RRBP1: variants seen among roughly 807,000 people sequenced by gnomAD.
RRBP1 encodes ribosome-binding protein 1.
Under a neutral mutation model 165.2 loss-of-function variants are expected in RRBP1, and 94 were observed. The observed-to-expected ratio is 0.57, with a 90% CI of 0.48 to 0.68. The LOEUF is 0.68. Ranked by LOEUF, RRBP1 falls within the 30% of genes least tolerant of loss-of-function variation. RRBP1 has a pLI of 0.00. For synonymous variants in RRBP1, 680 were observed against 714.5 expected (o/e 0.95, Z 0.77); for missense variants, 1,676 against 1,763.0 (o/e 0.95, Z 0.88).
chr20:17,652,736 A>C (rs1392580372), intron 3 of RRBP1, among the ~76,000 whole-genome samples: 1 of 152,194 alleles, frequency 6.6e-6, no homozygotes, highest in Non-Finnish European at 1.5e-5. Context: ...AACGAGGCAC[A>C]AGGCAGCCAG....
chr20:17,643,046 C>A lies in RRBP1; in HGVS notation c.1994G>T (p.Gly665Val). ...STVGSMVFNEGEAQRLIEILS... is the reference protein window; with the variant it reads ...STVGSMVFNEVEAQRLIEILS... ...GATCTCGATGAGCCGCTGGGCCTCG[C>A]CCTCGTTGAACACCATGCTCCCAAC... Residue 665 changes from glycine to valine, a missense_variant, in exon 4 of 25, where the codon GGC (glycine) becomes GTC (valine). Gly to Val is a moderately radical substitution (Grantham distance 109). Transcript: ENST00000377813. This position sits in a 1 kb window ranked among gnomAD's most constrained non-coding sequence, Gnocchi z 4.3. 6.2e-7 allele frequency: 1 copy of A among 1,614,104 alleles called. No homozygotes were observed. The highest frequency in any genetic ancestry group is 8.5e-7 in the Non-Finnish European group (1 of 1,180,018).
chr20:17,638,641 G>C (rs778593002), intron 5 of RRBP1, among the ~76,000 whole-genome samples: 2 of 152,062 alleles, frequency 1.3e-5, no homozygotes, highest in Admixed American at 1.3e-4. Flanking sequence ...AGAGACCCAG[G>C]GTTCCTTCTG....
chr20:17,642,950 G>T, intron 4 of RRBP1, 29 bp downstream of exon 4: 1 of 1,609,378 alleles, frequency 6.2e-7, no homozygotes, highest in South Asian at 1.1e-5. Context: ...AGTGGCCTCT[G>T]AGCATGGCCA....
At chr20:17,675,859 G>C (rs1262015591) in intron 2 of RRBP1, among the ~76,000 whole-genome samples, 2 of 152,172 alleles carry the variant, frequency 1.3e-5, no homozygotes, top group African/African-American at 4.8e-5. Flanking sequence ...TAGAAGGCAG[G>C]GGGTATAGGC....
intron 19 of RRBP1, chr20:17,619,353 G>A (rs568885219): frequency 2.8e-5 from 10 of 362,362 alleles, no homozygotes; most frequent in African/African-American, 1.3e-4. Context: ...ATCCCCTTGC[G>A]GAGGGATAAC....
At chr20:17,657,943 C>T (rs1316256448) in intron 3 of RRBP1, among the ~76,000 whole-genome samples, 1 of 152,204 alleles carries the variant, frequency 6.6e-6, no homozygotes, top group African/African-American at 2.4e-5. Flanking sequence ...ACAAAAGCAT[C>T]AGGTGAGGCA....
chr20:17,624,531 A>C, intron 13 of RRBP1, 45 bp downstream of exon 13: 24 of 1,251,710 alleles, frequency 1.9e-5, no homozygotes, highest in Non-Finnish European at 2.6e-5. Context: ...TGTGCATCCT[A>C]GTGCACTTTC....
Position 17,620,770 on chromosome 20 carries a change from T to C in RRBP1, c.3452A>G (p.Glu1151Gly). 10 of 1,608,814 alleles carry C rather than the reference T, an allele frequency of 6.2e-6. No individual in the cohort carries two copies. Among genetic ancestry groups the C allele is most frequent in the Non-Finnish European group, 8.5e-6 (10 of 1,179,818 alleles). The change falls in exon 17 of 25, where the codon GAG becomes GGG. Residue 1151 changes from glutamate to glycine, a missense_variant. By Grantham distance (98) the Glu-to-Gly change is moderately conservative (BLOSUM62 -2). This residue lies in a region of RRBP1 where 1,184 missense variants were observed against 1,167.1 expected (regional missense o/e 1.01). Coordinates refer to ENST00000377813, the MANE Select transcript of RRBP1 (RefSeq NM_001365613.2). ...MLRDLQKSVE[E>G]EEQVWRAKVG... ...CTTGGCCCTCCACACCTGCTCCTCC[T>C]CCTCCACGCTCTTCTGCAGGTCTCT... is the stretch of plus-strand genomic sequence containing the variant.
chr20:17,650,661 AG>A (rs1176283025), intron 3 of RRBP1, among the ~76,000 whole-genome samples: 1 of 152,230 alleles, frequency 6.6e-6, no homozygotes, highest in Non-Finnish European at 1.5e-5. Flanking sequence ...TCCAGTTAAA[AG>A]TACACTGTTC....
Position 17,618,581 on chromosome 20 carries a change from A to G in RRBP1, c.3759+15T>C. The G allele has an allele frequency of 1.2e-6, 2 of 1,608,070 alleles. No homozygotes were observed. Among genetic ancestry groups the G allele is most frequent in the South Asian group, 1.1e-5 (1 of 90,958 alleles). On this transcript the variant is annotated intron_variant, in intron 20 of 24. Transcript: ENST00000377813. ...CAGGTCACACTCCTGGCATGGGGACATGGAGGCCACCTACCAGGGCAAGCT... is the reference window on the plus strand; with the variant it reads ...CAGGTCACACTCCTGGCATGGGGACGTGGAGGCCACCTACCAGGGCAAGCT...
rs772763744 is a variant in RRBP1, at chr20:17,621,939, C to T, written c.3156G>A (p.Ser1052=). 6.2e-6 allele frequency: 10 copies of T among 1,612,330 alleles called. No homozygotes were observed. The highest frequency in any genetic ancestry group is 5.0e-5 in the Admixed American group (3 of 59,974). ...CCTCAATCAGACAGAGCTGCTTCTC[C>T]GATTCCTCCTGGGGGGTGGGTGGGG... is the stretch of plus-strand genomic sequence containing the variant. ...LLSLTQAKEE[S]EKQLCLIEAQ... is the part of the protein sequence containing the mutation. Residue 1052 remains serine (S), a synonymous_variant, in exon 14 of 25, where the codon TCG becomes TCA. Coordinates refer to ENST00000377813, the MANE Select transcript of RRBP1 (RefSeq NM_001365613.2).
At chr20:17,616,972 T>TAAC (rs1206794094) in intron 20 of RRBP1, 133 bp from the exon 21 acceptor site, 2 of 778,282 alleles carry the variant, frequency 2.6e-6, no homozygotes, top group Non-Finnish European at 4.3e-6. Context: ...CCTGGCTTGG[T>TAAC]AACTGTGACC....
rs753469478 is a variant in RRBP1 at position 17,614,228 on chromosome 20, C to T, written c.4195-8G>A. 2.4e-5 allele frequency: 38 copies of T among 1,613,016 alleles called. No homozygotes were observed. Among genetic ancestry groups the T allele is most frequent in the East Asian group, 1.3e-4 (6 of 44,886 alleles). On this transcript the variant is annotated splice_region_variant and splice_polypyrimidine_tract_variant and intron_variant, in intron 24 of 24. Coordinates refer to ENST00000377813, the MANE Select transcript of RRBP1 (RefSeq NM_001365613.2). The stretch of plus-strand genomic sequence containing the variant: ...TGAGCTGCTGCCGTCCTCCTGTGAA[C>T]GAAGGCAGGTGGCGTGAGGGGGGCT...
chr20:17,636,097 T>C (rs543983537), intron 6 of RRBP1, among the ~76,000 whole-genome samples: 2 of 152,364 alleles, frequency 1.3e-5, no homozygotes, highest in East Asian at 1.9e-4. Flanking sequence ...CAGCCCACTA[T>C]GAGCAGGGTG....
chr20:17,663,046 C>G (rs1242900920), intron 2 of RRBP1, among the ~76,000 whole-genome samples: 1 of 152,140 alleles, frequency 6.6e-6, no homozygotes, highest in Non-Finnish European at 1.5e-5. Flanking sequence ...TAAAACACTC[C>G]CCTTCTCTAG....
Position 17,659,834 on chromosome 20 carries a change from G to C in RRBP1, c.674C>G (p.Thr225Ser), listed in dbSNP as rs758737856. The change falls in exon 3 of 25, where the codon ACC becomes AGC. Residue 225 changes from threonine (T) to serine (S), a missense_variant. Thr to Ser is a moderately conservative substitution (Grantham distance 58). Transcript: ENST00000377813. ...CTCTGTCTTTTTGCCCTGGTTTGGG[G>C]TTCCCTCTGCCTTTCTGCCCTGGTT... ...APNQGRKAEG[T>S]PNQGKKTEGT... 1.3e-6 allele frequency: 2 copies of C among 1,551,324 alleles called. No individual in the cohort carries two copies. Among genetic ancestry groups the C allele is most frequent in the Non-Finnish European group, 1.7e-6 (2 of 1,146,986 alleles).
At chr20:17,663,773 C>T (rs1397719258) in intron 2 of RRBP1, among the ~76,000 whole-genome samples, 2 of 152,174 alleles carry the variant, frequency 1.3e-5, no homozygotes, top group Non-Finnish European at 2.9e-5. Flanking sequence ...CTCCTGAAAT[C>T]CACACCATGA....
intron 1 of RRBP1, among the ~76,000 whole-genome samples, chr20:17,681,744 G>A (rs1413462276): frequency 6.6e-6 from 1 of 150,510 alleles, no homozygotes; most frequent in African/African-American, 2.4e-5. Flanking sequence ...TCGCCACGTC[G>A]CGCCCGTCTG....
In RRBP1 at chr20:17,654,285, G is replaced by C. The variant is rs77631629; in HGVS notation, c.1912+4311C>G. On this transcript the variant is annotated intron_variant, in intron 3 of 24. Transcript: ENST00000377813. The stretch of plus-strand genomic sequence containing the variant: ...GATGGAACTGGTGGCAGCAGGTGCT[G>C]AGTGTGAAGCATCTTAAGCCAGAGT... 9.8e-3 allele frequency among the ~76,000 whole-genome samples: 1,499 copies of C among 152,322 alleles called. 30 individuals are homozygous for C. Among genetic ancestry groups the C allele is most frequent in the African/African-American group, 0.034 (1,409 of 41,560 alleles).
Sources: allele counts gnomAD v4.1 joint callset (sites outside exome capture counted in the v4.1 genomes callset), GRCh38; gene constraint gnomAD v4.1.1; regional missense constraint gnomAD v4.1.1; non-coding constraint Gnocchi (gnomAD v3.1); transcripts MANE v1.5; gene names NCBI Gene and HGNC (gene_info 2026-07-23, HGNC 2026-07-21).